BBS9: variants seen among roughly 807,000 people sequenced by gnomAD.
BBS9 encodes protein PTHB1.
Under a neutral mutation model 117.7 loss-of-function variants are expected in BBS9, and 89 were observed. The observed-to-expected ratio is 0.76, with a 90% CI of 0.64 to 0.90. The LOEUF (loss-of-function observed/expected upper bound fraction) is 0.90, where lower values mean the gene tolerates loss of function less well. Among genes scored for constraint, BBS9 ranks in the 40% least tolerant of loss-of-function variants. The probability of loss-of-function intolerance (pLI) is 0.00; values close to 1 mark genes in which losing one functional copy is unlikely to be tolerated. For synonymous variants in BBS9, 379 were observed against 370.9 expected, an observed-to-expected ratio of 1.02 and a Z score of -0.25; for missense variants, 982 against 1,042.2, an observed-to-expected ratio of 0.94 and a Z score of 0.80.
chr7:33,545,828 T>C (rs542312031), intron 21 of BBS9, among the ~76,000 whole-genome samples: 6 of 152,202 alleles, frequency 3.9e-5, no homozygotes, highest in Admixed American at 1.3e-4. Flanking sequence ...ACTACGTATG[T>C]GTTTGTATGC....
At chr7:33,340,131 A>G (rs772671711) in intron 10 of BBS9, among the ~76,000 whole-genome samples, 1 of 152,074 alleles carries the variant, frequency 6.6e-6, no homozygotes, top group Non-Finnish European at 1.5e-5. Flanking sequence ...TAAAAGGATA[A>G]ATAATGAAAG....
chr7:33,328,620 G>T (rs141546779), intron 9 of BBS9, among the ~76,000 whole-genome samples: 1 of 152,208 alleles, frequency 6.6e-6, no homozygotes, highest in Non-Finnish European at 1.5e-5. Context: ...GATTTCCTTG[G>T]TATCTATATA....
At chr7:33,130,522 T>A (rs561838247) in intron 1 of BBS9, among the ~76,000 whole-genome samples, 1 of 152,310 alleles carries the variant, frequency 6.6e-6, no homozygotes, top group East Asian at 1.9e-4. Flanking sequence ...AGAAATGTAT[T>A]TTTTTGGGTA....
At chr7:33,370,480 G>A (rs952102591) in intron 17 of BBS9, among the ~76,000 whole-genome samples, 1 of 151,800 alleles carries the variant, frequency 6.6e-6, no homozygotes, top group Admixed American at 6.6e-5. Context: ...AAAAAAAAAA[G>A]TAGTGCTTAA....
At chr7:33,448,909 CAT>C (rs1336262331) in intron 19 of BBS9, among the ~76,000 whole-genome samples, 7 of 152,222 alleles carry the variant, frequency 4.6e-5, no homozygotes, top group Non-Finnish European at 1.0e-4. Flanking sequence ...AAGTGCTTTA[CAT>C]ATATTGACTC....
intron 5 of BBS9, among the ~76,000 whole-genome samples, chr7:33,224,306 G>A (rs1339568250): frequency 6.6e-6 from 1 of 152,192 alleles, no homozygotes; most frequent in African/African-American, 2.4e-5. Context: ...GGTTTACACA[G>A]CTACTAAGTC....
chr7:33,618,674 T>A (rs1865262338), intron 21 of BBS9, among the ~76,000 whole-genome samples: 1 of 152,066 alleles, frequency 6.6e-6, no homozygotes, highest in Non-Finnish European at 1.5e-5. Flanking sequence ...GGGCAATATA[T>A]CAAGACCCCC....
intron 16 of BBS9, among the ~76,000 whole-genome samples, chr7:33,367,462 A>G (rs997437490): frequency 6.6e-6 from 1 of 152,140 alleles, no homozygotes; most frequent in African/African-American, 2.4e-5. Context: ...TGGCTCGGTA[A>G]TAGCTTCCTT....
chr7:33,435,263 A>G (rs1418089454), intron 19 of BBS9, among the ~76,000 whole-genome samples: 1 of 152,172 alleles, frequency 6.6e-6, no homozygotes, highest in Admixed American at 6.5e-5. Context: ...GGAGTCATCA[A>G]AAATTCTATG....
chr7:33,478,231 C>T (rs2128968131), intron 19 of BBS9, among the ~76,000 whole-genome samples: 1 of 152,174 alleles, frequency 6.6e-6, no homozygotes, highest in South Asian at 2.1e-4. Context: ...GGGCTCTTTC[C>T]TCTAGAAAAA....
At chr7:33,151,636 A>G (rs1194437582) in intron 2 of BBS9, among the ~76,000 whole-genome samples, 1 of 151,748 alleles carries the variant, frequency 6.6e-6, no homozygotes, top group East Asian at 1.9e-4. Context: ...TGCAGCCTCC[A>G]CTTCCCGGAT....
chr7:33,508,012 A>C (rs1229248969), intron 20 of BBS9, among the ~76,000 whole-genome samples: 3 of 152,244 alleles, frequency 2.0e-5, no homozygotes, highest in Non-Finnish European at 4.4e-5. Flanking sequence ...TGTAATGTGC[A>C]GTGCCTCTTT....
At chr7:33,224,037 G>A (rs941810489) in intron 5 of BBS9, among the ~76,000 whole-genome samples, 16 of 152,022 alleles carry the variant, frequency 1.1e-4, no homozygotes, top group Non-Finnish European at 1.5e-4. Context: ...TTTAAATGTG[G>A]TAAATATAAT....
At chr7:33,528,145 T>C (rs574574027) in intron 20 of BBS9, among the ~76,000 whole-genome samples, 1 of 152,354 alleles carries the variant, frequency 6.6e-6, no homozygotes, top group African/African-American at 2.4e-5. Flanking sequence ...TTACATCTAT[T>C]GAAGAGGAAA....
chr7:33,168,761 T>C (rs1583440950), intron 4 of BBS9, among the ~76,000 whole-genome samples: 1 of 152,146 alleles, frequency 6.6e-6, no homozygotes, highest in African/African-American at 2.4e-5. Flanking sequence ...TTAACACATA[T>C]CTTTGTGCTT....
chr7:33,282,350 A>T lies in BBS9; in HGVS notation c.1016+8394A>T, dbSNP rs183184787. On this transcript the variant is annotated intron_variant, in intron 9 of 22. Transcript: ENST00000242067. ...CAAATTTAGGCATAGAATAAAATTTACAAAACAGGACCACATGAATTTTAT... is the reference window on the plus strand; with the variant it reads ...CAAATTTAGGCATAGAATAAAATTTTCAAAACAGGACCACATGAATTTTAT... Among the ~76,000 whole-genome samples, 505 of 152,240 alleles carry T rather than the reference A, an allele frequency of 3.3e-3. 2 individuals carry two copies. Among genetic ancestry groups the T allele is most frequent in the African/African-American group, 0.012 (483 of 41,560 alleles).
chr7:33,415,476 A>G (rs1005895764), intron 19 of BBS9, among the ~76,000 whole-genome samples: 2 of 152,230 alleles, frequency 1.3e-5, no homozygotes, highest in African/African-American at 2.4e-5. Context: ...AGCTCATCCC[A>G]GATATCAACA....
intron 19 of BBS9, among the ~76,000 whole-genome samples, chr7:33,423,957 A>T (rs566707408): frequency 6.6e-6 from 1 of 152,210 alleles, no homozygotes; most frequent in Non-Finnish European, 1.5e-5. Flanking sequence ...TAAACTTTCA[A>T]TTAATTTCTT....
At chr7:33,437,205 AGGT>A in intron 19 of BBS9, among the ~76,000 whole-genome samples, 1 of 152,144 alleles carries the variant, frequency 6.6e-6, no homozygotes, top group Non-Finnish European at 1.5e-5. Flanking sequence ...ATTTCTATTG[AGGT>A]AAATTGAGTT....
Sources: gnomAD v4.1 joint callset for allele counts (sites outside exome capture counted in the v4.1 genomes callset) on GRCh38, gnomAD v4.1.1 for gene constraint, MANE v1.5 for transcripts, NCBI Gene and HGNC (gene_info 2026-07-23, HGNC 2026-07-21) for gene names.